GSK3B: variants seen among roughly 807,000 people sequenced by gnomAD.
GSK3B encodes the protein glycogen synthase kinase-3 beta.
A neutral mutation model predicts 56.4 loss-of-function variants in GSK3B; 15 were observed. That is an observed-to-expected ratio of 0.27 (90% CI 0.18 to 0.41). The LOEUF (loss-of-function observed/expected upper bound fraction) is 0.41, where lower values mean the gene tolerates loss of function less well. Ranked by LOEUF, GSK3B falls within the 10% of genes least tolerant of loss-of-function variation. The pLI is 1.00. For missense variants in GSK3B, 300 were observed against 513.4 expected, an observed-to-expected ratio of 0.58 and a Z score of 4.02; for synonymous variants, 181 against 188.9, an observed-to-expected ratio of 0.96 and a Z score of 0.34.
At chr3:119,859,514 T>C (rs1311433843) in intron 9 of GSK3B, among the ~76,000 whole-genome samples, 5 of 152,198 alleles carry the variant, frequency 3.3e-5, no homozygotes, top group South Asian at 2.1e-4. Flanking sequence ...ATACAAACTT[T>C]TGATGAGCTT....
At chr3:119,989,350 A>G (rs530601912) in intron 2 of GSK3B, among the ~76,000 whole-genome samples, 38 of 152,314 alleles carry the variant, frequency 2.5e-4, no homozygotes, top group African/African-American at 9.1e-4. Flanking sequence ...ATGTAAAGAA[A>G]TAAGAAATCT....
chr3:119,989,005 C>A (rs2057539919), intron 2 of GSK3B, among the ~76,000 whole-genome samples: 1 of 152,156 alleles, frequency 6.6e-6, no homozygotes. Flanking sequence ...TTATTTTCTA[C>A]TGCTTAAATT....
intron 3 of GSK3B, among the ~76,000 whole-genome samples, chr3:119,931,774 A>T (rs2056948161): frequency 6.6e-6 from 1 of 152,222 alleles, no homozygotes; most frequent in Non-Finnish European, 1.5e-5. Flanking sequence ...CAAAAGAGTC[A>T]ATGCCAGAAG....
Position 120,020,659 on chromosome 3 carries a change from CAATT to C in GSK3B, c.89-18424_89-18421del, listed in dbSNP as rs371369140. ...AGACACAACGATATTGAAATTAGGC[CAATT>C]AATAAGCCTACAGTGGCCTCTAAGT... On this transcript the variant is annotated intron_variant, in intron 1 of 10. Coordinates refer to ENST00000264235, the MANE Select transcript of GSK3B (RefSeq NM_001146156.2). Among the ~76,000 whole-genome samples the C allele has an allele frequency of 2.6e-3, 391 of 152,182 alleles. 3 individuals carry two copies. The highest frequency in any genetic ancestry group is 8.3e-3 in the African/African-American group (344 of 41,524).
intron 10 of GSK3B, among the ~76,000 whole-genome samples, chr3:119,835,322 T>C (rs1037215044): frequency 2.0e-5 from 3 of 152,218 alleles, no homozygotes; most frequent in Non-Finnish European, 2.9e-5. Flanking sequence ...TTTTTGACTC[T>C]ACTTCTAAAA....
chr3:119,933,379 G>C (rs1187889775), intron 3 of GSK3B, among the ~76,000 whole-genome samples: 2 of 152,156 alleles, frequency 1.3e-5, no homozygotes, highest in African/African-American at 2.4e-5. Context: ...TGAAGACATA[G>C]AGCCCCCCCA....
At chr3:119,955,387 G>C (rs1391990038) in intron 2 of GSK3B, among the ~76,000 whole-genome samples, 5 of 152,158 alleles carry the variant, frequency 3.3e-5, no homozygotes, top group Non-Finnish European at 7.3e-5. Context: ...CTATGTGTCA[G>C]AACTGGGGGC....
intron 1 of GSK3B, among the ~76,000 whole-genome samples, chr3:120,004,853 C>T (rs1243122110): frequency 6.6e-6 from 1 of 151,964 alleles, no homozygotes; most frequent in East Asian, 1.9e-4. Context: ...TTCCAAAAAC[C>T]ATAACGCCTC....
At chr3:120,050,337 A>C (rs2058138605) in intron 1 of GSK3B, among the ~76,000 whole-genome samples, 1 of 152,266 alleles carries the variant, frequency 6.6e-6, no homozygotes, top group Admixed American at 6.5e-5. Flanking sequence ...GCTGAAAAAC[A>C]AACCATATCT....
chr3:120,002,266 T>C (rs1183253721), intron 1 of GSK3B, 27 bp from the exon 2 acceptor site: 1 of 1,399,798 alleles, frequency 7.1e-7, no homozygotes, highest in Admixed American at 2.4e-5. Flanking sequence ...AATTTTTTTT[T>C]CACGAGAACT....
chr3:120,028,580 T>G (rs541188176), intron 1 of GSK3B, among the ~76,000 whole-genome samples: 1 of 152,332 alleles, frequency 6.6e-6, no homozygotes, highest in African/African-American at 2.4e-5. Context: ...CAGCTCTACC[T>G]CTTCTGTGAT....
chr3:119,924,272 T>C (rs2056870456), intron 3 of GSK3B, among the ~76,000 whole-genome samples: 1 of 152,218 alleles, frequency 6.6e-6, no homozygotes, highest in Admixed American at 6.5e-5. Flanking sequence ...CTTGTTCATG[T>C]GGCCAGTATC....
intron 1 of GSK3B, among the ~76,000 whole-genome samples, chr3:120,080,479 C>CA (rs2058409916): frequency 6.6e-6 from 1 of 152,092 alleles, no homozygotes; most frequent in Non-Finnish European, 1.5e-5. Context: ...CTAGAACTGA[C>CA]ATACTAACAT....
chr3:120,014,109 T>C lies in GSK3B; in HGVS notation c.89-11870A>G, dbSNP rs370320385. Reference sequence around the variant, plus strand: ...AAGATCATGCCACTGCACTCCAGCCTGGGAGACAGAGTGAGACTCTGTCAA... The same window carrying C: ...AAGATCATGCCACTGCACTCCAGCCCGGGAGACAGAGTGAGACTCTGTCAA... On this transcript the variant is annotated intron_variant, in intron 1 of 10. Coordinates refer to ENST00000264235, the MANE Select transcript of GSK3B (RefSeq NM_001146156.2). 1.9e-4 allele frequency among the ~76,000 whole-genome samples: 26 copies of C among 137,512 alleles called. No individual in the cohort carries two copies. The South Asian group carries it at 5.2e-3, about 27-fold the overall frequency. 90.2% of individuals were successfully genotyped at this position (137,512 alleles called of 152,430 possible). A position where few individuals can be genotyped will look rare whatever the true frequency, so the allele number is the denominator to read the frequency against.
intron 2 of GSK3B, among the ~76,000 whole-genome samples, chr3:119,958,663 G>T (rs990855989): frequency 5.3e-5 from 8 of 152,066 alleles, no homozygotes; most frequent in African/African-American, 1.9e-4. Flanking sequence ...GGGTAACAGG[G>T]TGAGACCCTG....
chr3:120,064,631 GCCTTTT>G lies in GSK3B; in HGVS notation c.88+28710_88+28715del, dbSNP rs2058264896. Among the ~76,000 whole-genome samples the G allele has an allele frequency of 4.3e-4, 65 of 152,124 alleles. 2 individuals are homozygous for G. The highest frequency in any genetic ancestry group is 3.3e-3 in the Admixed American group (51 of 15,278). ...CTCAATCCCTACCAAAATCCCAAAGGCCTTTTCTGCAGAAATGAAAAAGGCAATCCT... is the reference window on the plus strand; with the variant it reads ...CTCAATCCCTACCAAAATCCCAAAGGCTGCAGAAATGAAAAAGGCAATCCT... On this transcript the variant is annotated intron_variant, in intron 1 of 10. Coordinates refer to ENST00000264235, the MANE Select transcript of GSK3B (RefSeq NM_001146156.2).
intron 9 of GSK3B, among the ~76,000 whole-genome samples, chr3:119,854,797 G>A (rs182002255): frequency 2.5e-4 from 38 of 152,108 alleles, no homozygotes; most frequent in African/African-American, 7.7e-4. Flanking sequence ...GCGTCTATTC[G>A]ATTCTTCTCT....
At chr3:119,936,335 A>T (rs1332472430) in intron 3 of GSK3B, among the ~76,000 whole-genome samples, 2 of 130,724 alleles carry the variant, frequency 1.5e-5, no homozygotes, top group African/African-American at 6.9e-5. Context: ...ATATATATAA[A>T]AAATATATAT....
intron 9 of GSK3B, among the ~76,000 whole-genome samples, chr3:119,858,042 G>A (rs1025194201): frequency 1.3e-4 from 20 of 152,280 alleles, no homozygotes; most frequent in African/African-American, 3.4e-4. Context: ...AGTAAACCAC[G>A]CTGTAAACAG....
Sources: gnomAD v4.1 joint callset for allele counts (sites outside exome capture counted in the v4.1 genomes callset) on GRCh38, gnomAD v4.1.1 for gene constraint, MANE v1.5 for transcripts, NCBI Gene and HGNC (gene_info 2026-07-23, HGNC 2026-07-21) for gene names.